The following ASIC2 variants were observed in gnomAD, a reference collection of about 807,000 sequenced individuals.
ASIC2 encodes acid-sensing ion channel 2.
Under a neutral mutation model 57.3 loss-of-function variants are expected in ASIC2, and 25 were observed. The observed-to-expected ratio is 0.44, with a 90% CI of 0.32 to 0.61. ASIC2 has a LOEUF of 0.61. ASIC2 is among the 20% of genes least tolerant of loss of function. The pLI is 0.06. For missense variants in ASIC2, 641 were observed against 738.1 expected, an observed-to-expected ratio of 0.87 and a Z score of 1.52; for synonymous variants, 319 against 307.5, an observed-to-expected ratio of 1.04 and a Z score of -0.39.
At chr17:33,426,248 G>T (rs1281070804) in intron 1 of ASIC2, among the ~76,000 whole-genome samples, 1 of 152,186 alleles carries the variant, frequency 6.6e-6, no homozygotes, top group Non-Finnish European at 1.5e-5. Context: ...CATAGCCAGG[G>T]CACTTTACCT....
At chr17:33,586,839 A>G (rs997929696) in intron 1 of ASIC2, among the ~76,000 whole-genome samples, 1 of 152,168 alleles carries the variant, frequency 6.6e-6, no homozygotes, top group African/African-American at 2.4e-5. Flanking sequence ...ATCTGCAATT[A>G]TCTTCTTTAT....
At chr17:33,308,653 G>A (rs980297314) in intron 1 of ASIC2, among the ~76,000 whole-genome samples, 1 of 152,160 alleles carries the variant, frequency 6.6e-6, no homozygotes, top group Admixed American at 6.5e-5. Flanking sequence ...AAGGGAGGTA[G>A]GAGGATAGAC....
At chr17:34,015,478 A>G (rs7211936) in intron 1 of ASIC2, among the ~76,000 whole-genome samples, 14,427 of 152,232 alleles carry the variant, frequency 0.095, 1,670 homozygotes, top group African/African-American at 0.28. Context: ...CAGGCCATGT[A>G]TGGCTCATCT....
chr17:33,014,911 C>A lies in ASIC2; in HGVS notation c.1591-845G>T, dbSNP rs547084224. Among the ~76,000 whole-genome samples, 13 of 152,310 alleles carry A rather than the reference C, an allele frequency of 8.5e-5. No individual in the cohort carries two copies. The East Asian group carries it at 2.3e-3, about 27-fold the overall frequency. On this transcript the variant is annotated intron_variant, in intron 9 of 9. Coordinates refer to ENST00000225823, the MANE Select transcript of ASIC2 (RefSeq NM_183377.2). Reference sequence around the variant, plus strand: ...ACTGAACTCGGATGACAGCCCCCTGCAGTCTGATCTGATGCAGATGCTTAG... The same window carrying A: ...ACTGAACTCGGATGACAGCCCCCTGAAGTCTGATCTGATGCAGATGCTTAG...
chr17:33,130,300 C>A (rs930840541), intron 1 of ASIC2, among the ~76,000 whole-genome samples: 1 of 152,188 alleles, frequency 6.6e-6, no homozygotes, highest in East Asian at 1.9e-4. Flanking sequence ...CTTCCTCCCC[C>A]TCCTCATCTT....
intron 1 of ASIC2, among the ~76,000 whole-genome samples, chr17:33,176,006 A>G (rs1905740262): frequency 6.6e-6 from 1 of 152,148 alleles, no homozygotes. Flanking sequence ...CCAGCAAGCA[A>G]TGATCCCCAC....
At chr17:33,325,821 G>A (rs1907053962) in intron 1 of ASIC2, among the ~76,000 whole-genome samples, 3 of 152,070 alleles carry the variant, frequency 2.0e-5, no homozygotes, top group East Asian at 1.9e-4. Context: ...CTATATTTTG[G>A]TGTTAGAATG....
intron 1 of ASIC2, among the ~76,000 whole-genome samples, chr17:33,127,553 AC>A (rs1280663059): frequency 6.6e-6 from 1 of 152,216 alleles, no homozygotes; most frequent in Admixed American, 6.5e-5. Context: ...TCTTTGCTCT[AC>A]CCCCAAATTC....
intron 1 of ASIC2, chr17:34,000,798 T>A (rs532478145): frequency 2.6e-5 from 4 of 152,344 alleles, no homozygotes; most frequent in African/African-American, 9.6e-5. Context: ...TTCCTTTGAA[T>A]AATTTCAAAT....
At chr17:33,850,773 G>A (rs1182850232) in intron 1 of ASIC2, among the ~76,000 whole-genome samples, 1 of 151,930 alleles carries the variant, frequency 6.6e-6, no homozygotes, top group African/African-American at 2.4e-5. Flanking sequence ...ATCTGCCCTG[G>A]CCAGATGAAT....
intron 1 of ASIC2, among the ~76,000 whole-genome samples, chr17:33,644,417 T>A (rs1239843861): frequency 6.6e-6 from 1 of 152,190 alleles, no homozygotes; most frequent in Non-Finnish European, 1.5e-5. Flanking sequence ...GGCCTAGATG[T>A]TCATTGTGGT....
intron 1 of ASIC2, among the ~76,000 whole-genome samples, chr17:33,711,946 C>T (rs983099622): frequency 6.6e-6 from 1 of 152,208 alleles, no homozygotes. Flanking sequence ...TTTCTAAAAC[C>T]CCAAGGTCCC....
chr17:33,830,833 G>A (rs1913084940), intron 1 of ASIC2, among the ~76,000 whole-genome samples: 1 of 151,942 alleles, frequency 6.6e-6, no homozygotes, highest in Non-Finnish European at 1.5e-5. Flanking sequence ...AAGTCCTGCA[G>A]GGCGCGGTGG....
intron 1 of ASIC2, among the ~76,000 whole-genome samples, chr17:33,653,470 T>C (rs137949402): frequency 4.7e-4 from 71 of 152,372 alleles, no homozygotes; most frequent in Non-Finnish European, 9.1e-4. Context: ...GAGGGAACTC[T>C]TTCTCCATGC....
Position 34,020,843 on chromosome 17 carries a change from A to G in ASIC2, c.555+135135T>C, listed in dbSNP as rs141920410. 4.7e-4 allele frequency among the ~76,000 whole-genome samples: 72 copies of G among 152,258 alleles called. No individual in the cohort carries two copies. The East Asian group carries it at 9.9e-3, about 21-fold the overall frequency. On this transcript the variant is annotated intron_variant, in intron 1 of 9. Coordinates refer to the ASIC2 transcript ENST00000359872. Reference sequence around the variant, plus strand: ...GGAGGAGCTGGTGGAGCTCATCCAGACTTCTGACCTACAGAAACTGAGATA... The same window carrying G: ...GGAGGAGCTGGTGGAGCTCATCCAGGCTTCTGACCTACAGAAACTGAGATA...
At chr17:33,542,809 G>A in intron 1 of ASIC2, among the ~76,000 whole-genome samples, 2 of 145,516 alleles carry the variant, frequency 1.4e-5, no homozygotes, top group African/African-American at 5.2e-5. Flanking sequence ...TTTTGGACAT[G>A]AAGTCCTTGC....
intron 1 of ASIC2, among the ~76,000 whole-genome samples, chr17:33,917,788 A>G (rs1915614552): frequency 6.6e-6 from 1 of 152,218 alleles, no homozygotes. Flanking sequence ...AGACAAAATT[A>G]AAATGAATAT....
chr17:33,764,514 A>G (rs1910877655), intron 1 of ASIC2, among the ~76,000 whole-genome samples: 1 of 150,892 alleles, frequency 6.6e-6, no homozygotes, highest in South Asian at 2.1e-4. Flanking sequence ...TCAAGGGAGT[A>G]CATCTGGTGG....
chr17:34,129,501 T>C (rs1215767475), intron 1 of ASIC2, among the ~76,000 whole-genome samples: 1 of 152,208 alleles, frequency 6.6e-6, no homozygotes, highest in Non-Finnish European at 1.5e-5. Context: ...TCCACACTCT[T>C]AAAGGGCCAT....
Sources: allele counts gnomAD v4.1 joint callset (sites outside exome capture counted in the v4.1 genomes callset), GRCh38; gene constraint gnomAD v4.1.1; transcripts MANE v1.5; gene names NCBI Gene and HGNC (gene_info 2026-07-23, HGNC 2026-07-21).